The following PRKN variants were observed in gnomAD, a reference collection of about 807,000 sequenced individuals.
The protein encoded by PRKN is parkin RBR E3 ubiquitin protein ligase.
PRKN carries 56 observed loss-of-function variants against 59.5 expected under a neutral mutation model. That is an observed-to-expected ratio of 0.94 (90% CI 0.76 to 1.18). The LOEUF is 1.18. Among genes scored for constraint, PRKN ranks in the 50% most tolerant of loss-of-function variants. The pLI is 0.00. For missense variants in PRKN, 657 were observed against 596.4 expected (o/e 1.10, Z -1.06); for synonymous variants, 250 against 222.1 (o/e 1.13, Z -1.12).
chr6:162,334,056 A>C (rs1783716563), intron 2 of PRKN, among the ~76,000 whole-genome samples: 1 of 152,190 alleles, frequency 6.6e-6, no homozygotes, highest in African/African-American at 2.4e-5. Flanking sequence ...CAATTCTACG[A>C]AGGCTGAGAG....
intron 7 of PRKN, among the ~76,000 whole-genome samples, chr6:161,654,814 C>G (rs1350443942): frequency 6.6e-6 from 1 of 152,208 alleles, no homozygotes; most frequent in East Asian, 1.9e-4. Flanking sequence ...GCCACAGGGG[C>G]ATAACCAGCT....
chr6:162,405,245 A>AGAC (rs1358488222), intron 2 of PRKN, among the ~76,000 whole-genome samples: 1 of 152,190 alleles, frequency 6.6e-6, no homozygotes, highest in Non-Finnish European at 1.5e-5. Flanking sequence ...AACATGGAAT[A>AGAC]GACTATTTCT....
chr6:161,883,916 G>A (rs922796346), intron 6 of PRKN, among the ~76,000 whole-genome samples: 2 of 152,206 alleles, frequency 1.3e-5, no homozygotes, highest in Admixed American at 1.3e-4. Context: ...GCCTCCCAAG[G>A]TGCTGGGATT....
intron 9 of PRKN, among the ~76,000 whole-genome samples, chr6:161,411,347 G>A (rs961398520): frequency 6.6e-6 from 1 of 152,186 alleles, no homozygotes; most frequent in Admixed American, 6.5e-5. Context: ...CCCTGCATAT[G>A]CTCTCTTGCC....
chr6:162,010,131 C>A (rs1583474627), intron 5 of PRKN, among the ~76,000 whole-genome samples: 2 of 148,680 alleles, frequency 1.3e-5, no homozygotes. Flanking sequence ...GCAGATGTCA[C>A]TTCCTCTGGC....
intron 2 of PRKN, among the ~76,000 whole-genome samples, chr6:162,360,122 GGTGTGT>G (rs1432133760): frequency 6.6e-6 from 1 of 151,724 alleles, no homozygotes; most frequent in East Asian, 1.9e-4. Context: ...TGCGGGTGTG[GGTGTGT>G]GGTACCTGGA....
chr6:162,496,105 C>G (rs1479306276), intron 1 of PRKN, among the ~76,000 whole-genome samples: 1 of 151,968 alleles, frequency 6.6e-6, no homozygotes. Flanking sequence ...GGCATGGTGG[C>G]GAGCACCTGT....
intron 6 of PRKN, among the ~76,000 whole-genome samples, chr6:161,946,861 T>TAGGA (rs895675459): frequency 3.3e-5 from 5 of 152,212 alleles, no homozygotes; most frequent in Non-Finnish European, 7.3e-5. Flanking sequence ...GCCGTTGTGA[T>TAGGA]AAATCAAGTA....
At chr6:161,655,574 G>A (rs1784315477) in intron 7 of PRKN, among the ~76,000 whole-genome samples, 1 of 152,238 alleles carries the variant, frequency 6.6e-6, no homozygotes, top group Non-Finnish European at 1.5e-5. Flanking sequence ...CACTCCATCT[G>A]GGGCTAAGCT....
Position 161,405,651 on chromosome 6 carries a change from T to TAAA in PRKN, c.1084-18775_1084-18774insTTT, listed in dbSNP as rs1361156114. ...ATAAATAAATAAATAAATAAATAAATTTGGGTCCACCATAATCAGCATTTT... is the reference window on the plus strand; with the variant it reads ...ATAAATAAATAAATAAATAAATAAATAAATTGGGTCCACCATAATCAGCATTTT... On this transcript the variant is annotated intron_variant, in intron 9 of 11. Transcript: ENST00000366898. This position sits in a 1 kb window ranked among gnomAD's most constrained non-coding sequence, Gnocchi z 5.1. Among the ~76,000 whole-genome samples, 376 of 144,756 alleles carry TAAA rather than the reference T, an allele frequency of 2.6e-3. 3 individuals carry two copies. Among genetic ancestry groups the TAAA allele is most frequent in the African/African-American group, 7.8e-3 (310 of 39,834 alleles). 95.0% of individuals were successfully genotyped at this position (144,756 alleles called of 152,430 possible).
chr6:162,039,616 C>T (rs987627971), intron 5 of PRKN, among the ~76,000 whole-genome samples: 1 of 152,218 alleles, frequency 6.6e-6, no homozygotes, highest in Non-Finnish European at 1.5e-5. Flanking sequence ...GAAGCAGATG[C>T]CAGCGCCATG....
At position 161,545,101 on chromosome 6, in the gene PRKN, A is replaced by G; in HGVS notation, c.1083+3753T>C. 1 of 1,206,660 alleles carries G rather than the reference A, an allele frequency of 8.3e-7. No homozygotes were observed. Among genetic ancestry groups the G allele is most frequent in the Non-Finnish European group, 1.0e-6 (1 of 959,754 alleles). 74.7% of individuals were successfully genotyped at this position (1,206,660 alleles called of 1,614,324 possible). On this transcript the variant is annotated intron_variant, in intron 9 of 11. Transcript: ENST00000366898. This position sits in a 1 kb window ranked among gnomAD's most constrained non-coding sequence, Gnocchi z 4.1. ...GCTCCGAACAATTTTAAATCCCACAAATGACAGAGAATTTGGTTTTCAACT... is the reference window on the plus strand; with the variant it reads ...GCTCCGAACAATTTTAAATCCCACAGATGACAGAGAATTTGGTTTTCAACT...
At chr6:162,335,193 T>C (rs556360347) in intron 2 of PRKN, among the ~76,000 whole-genome samples, 2 of 148,318 alleles carry the variant, frequency 1.3e-5, no homozygotes, top group Non-Finnish European at 3.0e-5. Flanking sequence ...TTTTTCTTTT[T>C]CTTTTTTTTT....
intron 3 of PRKN, among the ~76,000 whole-genome samples, chr6:162,236,216 T>C (rs1045082553): frequency 1.3e-5 from 2 of 152,206 alleles, no homozygotes; most frequent in Non-Finnish European, 2.9e-5. Flanking sequence ...GTTGACTACA[T>C]AGGACAAGGC....
chr6:162,707,465 A>C (rs569442055), intron 1 of PRKN, among the ~76,000 whole-genome samples: 21 of 152,330 alleles, frequency 1.4e-4, no homozygotes, highest in African/African-American at 4.8e-4. Context: ...TAGAAGGATT[A>C]TTCAGCATGA....
At chr6:162,345,001 C>A (rs34740569) in intron 2 of PRKN, among the ~76,000 whole-genome samples, 1 of 152,244 alleles carries the variant, frequency 6.6e-6, no homozygotes, top group Non-Finnish European at 1.5e-5. Flanking sequence ...AAGAATTTTC[C>A]TAGGACAAGA....
chr6:161,893,257 C>T (rs1777485543), intron 6 of PRKN, among the ~76,000 whole-genome samples: 1 of 152,172 alleles, frequency 6.6e-6, no homozygotes, highest in Non-Finnish European at 1.5e-5. Flanking sequence ...TAGATAATCC[C>T]AGCCATCAGG....
intron 1 of PRKN, among the ~76,000 whole-genome samples, chr6:162,570,155 G>C (rs2128208472): frequency 6.6e-6 from 1 of 152,232 alleles, no homozygotes; most frequent in East Asian, 1.9e-4. Flanking sequence ...GATTTGAACA[G>C]ACATTTCTCA....
intron 4 of PRKN, among the ~76,000 whole-genome samples, chr6:162,171,066 T>A (rs773916662): frequency 1.3e-5 from 2 of 151,880 alleles, no homozygotes; most frequent in Non-Finnish European, 2.9e-5. Context: ...CCTGCAAGAG[T>A]TGAGGATGTC....
Sources: allele counts gnomAD v4.1 joint callset (sites outside exome capture counted in the v4.1 genomes callset), GRCh38; gene constraint gnomAD v4.1.1; non-coding constraint Gnocchi (gnomAD v3.1); transcripts MANE v1.5; gene names NCBI Gene and HGNC (gene_info 2026-07-23, HGNC 2026-07-21).